Variants in GRB10 observed in about 807,000 individuals in gnomAD.
The protein encoded by GRB10 is growth factor receptor bound protein 10.
Under a neutral mutation model 80.9 loss-of-function variants are expected in GRB10, and 20 were observed. The ratio of observed to expected loss-of-function variants is 0.25; its 90% CI spans 0.17 to 0.36. GRB10 has a LOEUF of 0.36. Ranked by LOEUF, GRB10 falls within the 10% of genes least tolerant of loss-of-function variation. The pLI is 1.00. For missense variants in GRB10, 548 were observed against 747.7 expected, an observed-to-expected ratio of 0.73 and a Z score of 3.12; for synonymous variants, 291 against 291.5, an observed-to-expected ratio of 1.00 and a Z score of 0.02.
chr7:50,691,076 A>G (rs1053168902), intron 5 of GRB10, among the ~76,000 whole-genome samples: 2 of 152,118 alleles, frequency 1.3e-5, no homozygotes, highest in African/African-American at 4.8e-5. Flanking sequence ...AAGACAAATG[A>G]TCTTCAAAGT....
intron 4 of GRB10, among the ~76,000 whole-genome samples, chr7:50,709,329 T>G: frequency 6.6e-6 from 1 of 152,150 alleles, no homozygotes; most frequent in Admixed American, 6.5e-5. Flanking sequence ...AGGCAGTGAG[T>G]CTGCCTGAGC....
At chr7:50,689,686 C>G (rs1341262141) in intron 5 of GRB10, among the ~76,000 whole-genome samples, 1 of 151,938 alleles carries the variant, frequency 6.6e-6, no homozygotes, top group African/African-American at 2.4e-5. Flanking sequence ...TTTTTGAGGA[C>G]CTCCTTAAAG....
intron 8 of GRB10, 113 bp downstream of exon 8, chr7:50,626,706 CCTG>C: frequency 8.6e-7 from 1 of 1,164,436 alleles, no homozygotes; most frequent in Non-Finnish European, 1.3e-6. Context: ...CCAGAGACTG[CCTG>C]CTAATTTCGC....
intron 4 of GRB10, among the ~76,000 whole-genome samples, chr7:50,720,635 A>C (rs1444777362): frequency 6.6e-6 from 1 of 152,218 alleles, no homozygotes; most frequent in East Asian, 1.9e-4. Context: ...CAGGAATATA[A>C]AAATATAATT....
At chr7:50,751,630 G>C (rs2074125065) in intron 3 of GRB10, among the ~76,000 whole-genome samples, 1 of 152,208 alleles carries the variant, frequency 6.6e-6, no homozygotes, top group Admixed American at 6.5e-5. Flanking sequence ...TCATTACCTT[G>C]GTTACTTGAT....
At chr7:50,594,312 G>A (rs538794041) in intron 18 of GRB10, among the ~76,000 whole-genome samples, 2 of 152,310 alleles carry the variant, frequency 1.3e-5, no homozygotes, top group South Asian at 2.1e-4. Flanking sequence ...AGAAAAGACA[G>A]TGCGTGGCAC....
At chr7:50,735,448 T>A (rs1345513830) in intron 3 of GRB10, among the ~76,000 whole-genome samples, 1 of 152,166 alleles carries the variant, frequency 6.6e-6, no homozygotes, top group Non-Finnish European at 1.5e-5. Flanking sequence ...TGAGGGTGTG[T>A]GAAGGGCTGA....
chr7:50,675,724 ATG>A (rs892580986), intron 5 of GRB10, among the ~76,000 whole-genome samples: 4 of 151,066 alleles, frequency 2.6e-5, no homozygotes, highest in African/African-American at 9.7e-5. Context: ...CCTAAAACAC[ATG>A]TGTCTCTCTC....
rs1427331005 is a variant in GRB10, at chr7:50,669,652, G to A, written c.504+70C>T. Reference sequence around the variant, plus strand: ...GCCCTTCTTCCCAAAGTAATAATCTGGCACATCTGTGCAGATCCCAATAAT... The same window carrying A: ...GCCCTTCTTCCCAAAGTAATAATCTAGCACATCTGTGCAGATCCCAATAAT... On this transcript the variant is annotated intron_variant, in intron 7 of 18. Coordinates refer to ENST00000401949, the MANE Select transcript of GRB10 (RefSeq NM_001350814.2). 2.8e-6 allele frequency: 4 copies of A among 1,426,730 alleles called. No individual in the cohort carries two copies. In the East Asian group the frequency reaches 9.1e-5, roughly 32 times the overall value. The allele number at this position is 1,426,730 out of a possible 1,614,324, so 88.4% of individuals were successfully genotyped here.
At chr7:50,595,601 T>TAACACA in intron 17 of GRB10, 71 bp from the exon 18 acceptor site, 10 of 556,334 alleles carry the variant, frequency 1.8e-5, no homozygotes, top group Admixed American at 2.5e-5. Flanking sequence ...ACACACTCTC[T>TAACACA]TACACACACA....
At chr7:50,752,252 G>A (rs1248357353) in intron 3 of GRB10, among the ~76,000 whole-genome samples, 1 of 152,104 alleles carries the variant, frequency 6.6e-6, no homozygotes, top group Non-Finnish European at 1.5e-5. Context: ...AAATAGAAAA[G>A]GATAAACAGG....
intron 7 of GRB10, among the ~76,000 whole-genome samples, chr7:50,664,378 C>T (rs2059583277): frequency 6.6e-6 from 1 of 152,236 alleles, no homozygotes; most frequent in African/African-American, 2.4e-5. Flanking sequence ...TTTCTCTCCT[C>T]TCCCAGGACC....
At chr7:50,606,190 C>A (rs995279012) in intron 14 of GRB10, 147 bp downstream of exon 14, 9 of 767,320 alleles carry the variant, frequency 1.2e-5, no homozygotes, top group Admixed American at 1.8e-5. Flanking sequence ...AAACCCACGT[C>A]ATCGTGGGAC....
chr7:50,721,247 T>C (rs1242814243), intron 4 of GRB10, among the ~76,000 whole-genome samples: 5 of 152,194 alleles, frequency 3.3e-5, no homozygotes, highest in Non-Finnish European at 5.9e-5. Flanking sequence ...AATAAATAAT[T>C]CATCAGTTTC....
At chr7:50,738,512 T>C (rs1376407666) in intron 3 of GRB10, among the ~76,000 whole-genome samples, 2 of 152,184 alleles carry the variant, frequency 1.3e-5, no homozygotes, top group Non-Finnish European at 2.9e-5. Flanking sequence ...GATCAAAGCT[T>C]GCTGCAGCCT....
In GRB10 at chr7:50,675,564, G is replaced by T. The variant is rs528200528; in HGVS notation, c.140-906C>A. On this transcript the variant is annotated intron_variant, in intron 5 of 18. Coordinates refer to ENST00000401949, the MANE Select transcript of GRB10 (RefSeq NM_001350814.2). ...AGAGTGCCTCAGCCCATCACCTGAAGACCTGAATAGAAGAAAAAGACCGGC... is the reference window on the plus strand; with the variant it reads ...AGAGTGCCTCAGCCCATCACCTGAATACCTGAATAGAAGAAAAAGACCGGC... 5.3e-5 allele frequency among the ~76,000 whole-genome samples: 8 copies of T among 152,340 alleles called. No homozygotes were observed. In the South Asian group the frequency reaches 1.7e-3, roughly 32 times the overall value.
chr7:50,741,543 C>G (rs926185066), intron 3 of GRB10, among the ~76,000 whole-genome samples: 3 of 121,404 alleles, frequency 2.5e-5, no homozygotes, highest in South Asian at 2.8e-4. Context: ...AAATTAGGAA[C>G]ATGTGTTTAA....
At chr7:50,715,537 G>C (rs2066720312) in intron 4 of GRB10, among the ~76,000 whole-genome samples, 1 of 152,114 alleles carries the variant, frequency 6.6e-6, no homozygotes, top group African/African-American at 2.4e-5. Context: ...AAATCTTATT[G>C]TGGCATGAGC....
chr7:50,685,440 C>T (rs1287029848), intron 5 of GRB10, among the ~76,000 whole-genome samples: 2 of 152,062 alleles, frequency 1.3e-5, no homozygotes, highest in Non-Finnish European at 2.9e-5. Context: ...GGACATATCC[C>T]GTAGGAAAGA....
Sources: allele counts gnomAD v4.1 joint callset (sites outside exome capture counted in the v4.1 genomes callset), GRCh38; gene constraint gnomAD v4.1.1; transcripts MANE v1.5; gene names NCBI Gene and HGNC (gene_info 2026-07-23, HGNC 2026-07-21).